ASTN2: variants seen among roughly 807,000 people sequenced by gnomAD.
ASTN2 encodes the protein astrotactin 2.
ASTN2 carries 54 observed loss-of-function variants against 139.8 expected under a neutral mutation model. That is an observed-to-expected ratio of 0.39 (90% CI 0.31 to 0.48). The LOEUF is 0.48. Among genes scored for constraint, ASTN2 ranks in the 20% least tolerant of loss-of-function variants. ASTN2 has a pLI of 0.95. For synonymous variants in ASTN2, 756 were observed against 719.5 expected (o/e 1.05, Z -0.81); for missense variants, 1,565 against 1,725.1 (o/e 0.91, Z 1.64).
intron 19 of ASTN2, among the ~76,000 whole-genome samples, chr9:116,522,686 TAA>T (rs984094846): frequency 6.6e-5 from 10 of 152,084 alleles, no homozygotes; most frequent in African/African-American, 2.4e-4. Flanking sequence ...ACAATTTTTT[TAA>T]AAGAATGAAG....
At chr9:117,197,946 T>C (rs1831562665) in intron 3 of ASTN2, among the ~76,000 whole-genome samples, 2 of 152,200 alleles carry the variant, frequency 1.3e-5, no homozygotes, top group Non-Finnish European at 2.9e-5. Context: ...AAGTCTAATT[T>C]TCTTCTTTGA....
intron 5 of ASTN2, among the ~76,000 whole-genome samples, chr9:117,056,120 T>G (rs1839056573): frequency 6.6e-6 from 1 of 152,202 alleles, no homozygotes; most frequent in South Asian, 2.1e-4. Flanking sequence ...TTGAGGTGAT[T>G]GCAGCTCTGG....
At chr9:117,085,870 C>A (rs966787519) in intron 5 of ASTN2, among the ~76,000 whole-genome samples, 1 of 152,142 alleles carries the variant, frequency 6.6e-6, no homozygotes, top group Non-Finnish European at 1.5e-5. Context: ...TCTCATTCAT[C>A]CTTATAATGG....
intron 6 of ASTN2, among the ~76,000 whole-genome samples, chr9:117,014,779 G>C (rs1236308995): frequency 6.6e-6 from 1 of 151,940 alleles, no homozygotes; most frequent in Non-Finnish European, 1.5e-5. Context: ...GGATATTGGG[G>C]CCCAGGTACA....
chr9:116,855,319 G>GCTCCCGATTGAGGAGCTA (rs1832711644), intron 11 of ASTN2, among the ~76,000 whole-genome samples: 1 of 151,286 alleles, frequency 6.6e-6, no homozygotes, highest in Non-Finnish European at 1.5e-5. Flanking sequence ...AGATGCAAAT[G>GCTCCCGATTGAGGAGCTA]CTCCTGATTG....
intron 1 of ASTN2, among the ~76,000 whole-genome samples, chr9:117,384,869 G>T (rs930730695): frequency 6.6e-6 from 1 of 152,172 alleles, no homozygotes; most frequent in African/African-American, 2.4e-5. Context: ...AGGATAGGTG[G>T]ATGGCAAATA....
intron 5 of ASTN2, among the ~76,000 whole-genome samples, chr9:117,046,804 A>G (rs191805103): frequency 1.3e-5 from 2 of 152,330 alleles, no homozygotes; most frequent in African/African-American, 4.8e-5. Flanking sequence ...ATGCCTGAAT[A>G]TAGTAGGTGC....
intron 3 of ASTN2, among the ~76,000 whole-genome samples, chr9:117,202,296 T>C (rs1297068679): frequency 2.0e-5 from 3 of 152,166 alleles, no homozygotes; most frequent in Non-Finnish European, 2.9e-5. Context: ...CTCAACCAAT[T>C]TGCCAGCCTG....
intron 22 of ASTN2, among the ~76,000 whole-genome samples, chr9:116,430,972 G>A (rs935628509): frequency 5.3e-5 from 8 of 152,190 alleles, no homozygotes; most frequent in Admixed American, 1.3e-4. Context: ...GTCAAATACC[G>A]GAAATGAAAT....
chr9:117,196,762 A>T (rs1402995392), intron 3 of ASTN2, among the ~76,000 whole-genome samples: 1 of 152,226 alleles, frequency 6.6e-6, no homozygotes, highest in Non-Finnish European at 1.5e-5. Flanking sequence ...GAGGGAAAAA[A>T]ACAAACAAAA....
chr9:117,347,337 G>A (rs566816638), intron 1 of ASTN2, among the ~76,000 whole-genome samples: 1 of 151,964 alleles, frequency 6.6e-6, no homozygotes, highest in Non-Finnish European at 1.5e-5. Context: ...AACAATGAGA[G>A]AGCGCTTCCT....
At chr9:116,759,173 G>A (rs2132165486) in intron 13 of ASTN2, among the ~76,000 whole-genome samples, 1 of 152,256 alleles carries the variant, frequency 6.6e-6, no homozygotes, top group Middle Eastern at 3.4e-3. Flanking sequence ...AGCCACCATG[G>A]TTGGCCCATG....
intron 7 of ASTN2, among the ~76,000 whole-genome samples, chr9:116,997,793 G>C (rs1176765530): frequency 1.3e-5 from 2 of 152,132 alleles, no homozygotes; most frequent in Non-Finnish European, 2.9e-5. Flanking sequence ...TCTTTGCATG[G>C]TGTTTGGTAC....
At chr9:116,931,114 T>C (rs1406494290) in intron 10 of ASTN2, among the ~76,000 whole-genome samples, 1 of 152,140 alleles carries the variant, frequency 6.6e-6, no homozygotes, top group Non-Finnish European at 1.5e-5. Context: ...CTCTGAGCTT[T>C]TGTTTCACCA....
Position 116,586,860 on chromosome 9 carries a change from A to G in ASTN2, c.3355+31464T>C, listed in dbSNP as rs915013290. On this transcript the variant is annotated intron_variant, in intron 19 of 22. Transcript: ENST00000313400. ...CACACACACACACACACACACACAC[A>G]CGTATGTATATATAATAATGAGATC... Among the ~76,000 whole-genome samples the G allele has an allele frequency of 2.6e-5, 4 of 151,366 alleles. No individual in the cohort carries two copies. The East Asian group carries it at 7.8e-4, about 29-fold the overall frequency.
intron 1 of ASTN2, among the ~76,000 whole-genome samples, chr9:117,387,383 TG>T (rs1830426399): frequency 6.6e-6 from 1 of 152,120 alleles, no homozygotes; most frequent in Non-Finnish European, 1.5e-5. Flanking sequence ...TGTGATTAAG[TG>T]CTGCCAATAG....
chr9:116,473,762 G>A (rs1348603474), intron 20 of ASTN2, among the ~76,000 whole-genome samples: 1 of 152,082 alleles, frequency 6.6e-6, no homozygotes, highest in Non-Finnish European at 1.5e-5. Flanking sequence ...AATTAGCTGG[G>A]CGTGTTGGTG....
chr9:117,291,929 C>T (rs944502843), intron 1 of ASTN2, among the ~76,000 whole-genome samples: 2 of 152,136 alleles, frequency 1.3e-5, no homozygotes, highest in African/African-American at 4.8e-5. Context: ...AGAAGTTGAG[C>T]TGGAAGTACT....
intron 1 of ASTN2, among the ~76,000 whole-genome samples, chr9:117,326,393 A>G (rs1828519860): frequency 6.6e-6 from 1 of 152,122 alleles, no homozygotes. Flanking sequence ...TTACTCTCCC[A>G]TTTTTCACAA....
Sources: gnomAD v4.1 joint callset for allele counts (sites outside exome capture counted in the v4.1 genomes callset) on GRCh38, gnomAD v4.1.1 for gene constraint, MANE v1.5 for transcripts, NCBI Gene and HGNC (gene_info 2026-07-23, HGNC 2026-07-21) for gene names.